The following RIN2 variants were observed in gnomAD, a reference collection of about 807,000 sequenced individuals.
RIN2 encodes the protein RAB5 interacting protein 2.
In RIN2, 36 loss-of-function variants were observed where a neutral mutation model predicts 78.0. That is an observed-to-expected ratio of 0.46 (90% CI 0.35 to 0.61). The LOEUF (loss-of-function observed/expected upper bound fraction) is 0.61, where lower values mean the gene tolerates loss of function less well. Among genes scored for constraint, RIN2 ranks in the 20% least tolerant of loss-of-function variants. The probability of loss-of-function intolerance (pLI) is 0.00; values close to 1 mark genes in which losing one functional copy is unlikely to be tolerated. For synonymous variants in RIN2, 466 were observed against 466.8 expected (o/e 1.00, Z 0.02); for missense variants, 1,087 against 1,159.7 (o/e 0.94, Z 0.91).
At chr20:19,791,156 A>T (rs1390662694) in intron 1 of RIN2, among the ~76,000 whole-genome samples, 2 of 152,218 alleles carry the variant, frequency 1.3e-5, no homozygotes, top group Non-Finnish European at 2.9e-5. Context: ...TGGCTTTGAA[A>T]TTGAATAAAC....
At chr20:19,890,430 C>T (rs765943910) in intron 3 of RIN2, among the ~76,000 whole-genome samples, 1 of 151,724 alleles carries the variant, frequency 6.6e-6, no homozygotes, top group African/African-American at 2.4e-5. Context: ...TTTGAAAATA[C>T]AGAATTATGT....
intron 1 of RIN2, among the ~76,000 whole-genome samples, chr20:19,790,999 C>T (rs918944800): frequency 2.6e-5 from 4 of 152,200 alleles, no homozygotes; most frequent in Non-Finnish European, 5.9e-5. Context: ...CCAAGTGGTT[C>T]TGTCTAAACT....
chr20:19,808,350 C>T (rs76587653), intron 2 of RIN2, among the ~76,000 whole-genome samples: 11,341 of 152,214 alleles, frequency 0.075, 423 homozygotes, highest in South Asian at 0.11. Context: ...GAAGGGGAGT[C>T]GGGTGAAGGA....
chr20:19,901,136 C>G (rs1026904933), intron 3 of RIN2, among the ~76,000 whole-genome samples: 10 of 152,000 alleles, frequency 6.6e-5, no homozygotes, highest in African/African-American at 2.4e-4. Context: ...AGCATAGAAA[C>G]GTCTTCATTC....
At chr20:19,792,855 T>C (rs916449146) in intron 1 of RIN2, among the ~76,000 whole-genome samples, 1 of 152,180 alleles carries the variant, frequency 6.6e-6, no homozygotes, top group Admixed American at 6.5e-5. Flanking sequence ...TTGCCTATTA[T>C]GTTTTGAGGT....
At chr20:19,966,906 GACACAC>G (rs10653532) in intron 7 of RIN2, among the ~76,000 whole-genome samples, 1 of 150,212 alleles carries the variant, frequency 6.7e-6, no homozygotes, top group Non-Finnish European at 1.5e-5. Context: ...GCCCCCAACA[GACACAC>G]ACACACACAC....
intron 3 of RIN2, among the ~76,000 whole-genome samples, chr20:19,894,414 A>G (rs916031119): frequency 1.1e-4 from 17 of 152,176 alleles, no homozygotes; most frequent in Non-Finnish European, 2.1e-4. Context: ...AAATTTTTAA[A>G]TAACTTCTCT....
chr20:19,996,481 TGTGG>T (rs2042970767), intron 11 of RIN2, among the ~76,000 whole-genome samples, 194 bp from the exon 12 acceptor site: 5 of 152,194 alleles, frequency 3.3e-5, no homozygotes, highest in African/African-American at 4.8e-5. Flanking sequence ...CAGAAATCTC[TGTGG>T]GATGGCTGTG....
chr20:19,777,717 T>G (rs185148419), intron 1 of RIN2, among the ~76,000 whole-genome samples: 36 of 152,386 alleles, frequency 2.4e-4, no homozygotes, highest in African/African-American at 7.2e-4. Context: ...ATGGAATTTT[T>G]AATTTCTCTG....
chr20:19,981,483 C>T (rs2042452449), intron 9 of RIN2, among the ~76,000 whole-genome samples: 1 of 152,204 alleles, frequency 6.6e-6, no homozygotes, highest in Admixed American at 6.5e-5. Flanking sequence ...TAAGCTCCAC[C>T]TCCCAGAAGC....
chr20:19,822,866 T>G lies in RIN2; in HGVS notation c.-37+23119T>G, dbSNP rs371402869. On this transcript the variant is annotated intron_variant, in intron 2 of 12. Transcript: ENST00000255006. The stretch of plus-strand genomic sequence containing the variant: ...TTAGTATGCTATAATTTCTGAACAA[T>G]GTACTCTGCAAAAAGAGGTGACTAT... Among the ~76,000 whole-genome samples, 3 of 152,306 alleles carry G rather than the reference T, an allele frequency of 2.0e-5. No individual in the cohort carries two copies. In the East Asian group the frequency reaches 5.8e-4, roughly 29 times the overall value.
chr20:19,874,082 G>A lies in RIN2; in HGVS notation c.-36-15484G>A, dbSNP rs1456036297. Among the ~76,000 whole-genome samples, 4 of 151,730 alleles carry A rather than the reference G, an allele frequency of 2.6e-5. No homozygotes were observed. In the East Asian group the frequency reaches 7.7e-4, roughly 29 times the overall value. ...TTTTGGTGTGTGTGTGTGTGTGTGT[G>A]TGTTTGTGTGTGTTGGTTATTTCAC... On this transcript the variant is annotated intron_variant, in intron 2 of 12. Transcript: ENST00000255006.
chr20:19,844,713 T>C (rs62200180), intron 2 of RIN2, among the ~76,000 whole-genome samples: 1,455 of 48,852 alleles, frequency 0.03, 42 homozygotes, highest in East Asian at 0.061. Flanking sequence ...CTTCTTCTTC[T>C]TCTTCTTCTT....
chr20:19,904,719 A>G (rs766105885), intron 3 of RIN2, among the ~76,000 whole-genome samples: 6 of 152,216 alleles, frequency 3.9e-5, no homozygotes, highest in African/African-American at 1.2e-4. Context: ...TCTTAGTGCT[A>G]TCGGAAGCGG....
intron 2 of RIN2, chr20:19,889,274 CA>C (rs2038331904): frequency 1.8e-6 from 2 of 1,088,982 alleles, no homozygotes; most frequent in African/African-American, 1.6e-5. Context: ...GTTCACATTT[CA>C]GCAGGAGGTG....
chr20:19,939,248 A>G (rs1313692610), intron 4 of RIN2, among the ~76,000 whole-genome samples: 2 of 152,106 alleles, frequency 1.3e-5, no homozygotes, highest in Admixed American at 6.5e-5. Context: ...GGGTTTCACC[A>G]TGTTGGCCAG....
At chr20:19,832,824 C>T (rs150433309) in intron 2 of RIN2, among the ~76,000 whole-genome samples, 43 of 152,228 alleles carry the variant, frequency 2.8e-4, no homozygotes, top group African/African-American at 1.0e-3. Flanking sequence ...CTCACCTCCT[C>T]AAGCCCTTTG....
intron 2 of RIN2, among the ~76,000 whole-genome samples, chr20:19,882,403 T>C (rs60678676): frequency 0.033 from 4,956 of 152,210 alleles, 253 homozygotes; most frequent in African/African-American, 0.11. Flanking sequence ...ATTAAATGAA[T>C]AGCTATATGA....
chr20:20,000,598 C>T lies in RIN2; in HGVS notation c.2365-15C>T, dbSNP rs775844216. On this transcript the variant is annotated splice_polypyrimidine_tract_variant and intron_variant, in intron 12 of 12. Transcript: ENST00000255006. ...TTCTCTTCTGACTGTCTCAACATTCCTCTTCCACCTGCAGAATTACCTCCG... is the reference window on the plus strand; with the variant it reads ...TTCTCTTCTGACTGTCTCAACATTCTTCTTCCACCTGCAGAATTACCTCCG... The T allele has an allele frequency of 1.3e-6, 2 of 1,576,130 alleles. No individual in the cohort carries two copies. The highest frequency in any genetic ancestry group is 1.2e-5 in the South Asian group (1 of 85,512).
Sources: gnomAD v4.1 joint callset for allele counts (sites outside exome capture counted in the v4.1 genomes callset) on GRCh38, gnomAD v4.1.1 for gene constraint, MANE v1.5 for transcripts, NCBI Gene and HGNC (gene_info 2026-07-23, HGNC 2026-07-21) for gene names.